CCDC181: variants seen among roughly 807,000 people sequenced by gnomAD.
CCDC181 encodes the protein coiled-coil domain-containing protein 181.
Under a neutral mutation model 58.7 loss-of-function variants are expected in CCDC181, and 35 were observed. The ratio of observed to expected loss-of-function variants is 0.60; its 90% CI spans 0.46 to 0.79. The LOEUF (loss-of-function observed/expected upper bound fraction) is 0.79, where lower values mean the gene tolerates loss of function less well. Among genes scored for constraint, CCDC181 ranks in the 30% least tolerant of loss-of-function variants. CCDC181 has a pLI of 0.00. For missense variants in CCDC181, 517 were observed against 583.9 expected, an observed-to-expected ratio of 0.89 and a Z score of 1.18; for synonymous variants, 183 against 197.5, an observed-to-expected ratio of 0.93 and a Z score of 0.62.
At chr1:169,406,823 TA>T (rs202072743) in intron 4 of CCDC181, among the ~76,000 whole-genome samples, 4 of 144,716 alleles carry the variant, frequency 2.8e-5, no homozygotes, top group South Asian at 2.2e-4. Flanking sequence ...ACAAAAAAAA[TA>T]AAAAAAAATA....
intron 2 of CCDC181, among the ~76,000 whole-genome samples, chr1:169,432,720 CT>C (rs1348486256): frequency 6.6e-6 from 1 of 151,970 alleles, no homozygotes; most frequent in Admixed American, 6.6e-5. Flanking sequence ...ATGCAGTATT[CT>C]ACATTAACAG....
intron 4 of CCDC181, among the ~76,000 whole-genome samples, chr1:169,408,846 A>C (rs567148838): frequency 7.2e-5 from 11 of 152,322 alleles, no homozygotes; most frequent in Admixed American, 2.6e-4. Flanking sequence ...CATCAACATC[A>C]ACAAAAAGGA....
At chr1:169,447,807 T>C (rs1185306833) in intron 2 of CCDC181, among the ~76,000 whole-genome samples, 3 of 152,208 alleles carry the variant, frequency 2.0e-5, no homozygotes, top group African/African-American at 7.2e-5. Context: ...CTGAAATCAA[T>C]ATAGCTACTT....
chr1:169,445,801 AT>A (rs934491904), intron 2 of CCDC181, among the ~76,000 whole-genome samples: 66 of 151,974 alleles, frequency 4.3e-4, no homozygotes, highest in African/African-American at 1.3e-3. Context: ...TAGTGACACT[AT>A]TTTTTTTAAT....
chr1:169,460,632 G>A (rs1203483467), exon 1 of CCDC181: 1 of 152,426 alleles, frequency 6.6e-6, no homozygotes, highest in Non-Finnish European at 1.5e-5. Flanking sequence ...TCGGGCTCCA[G>A]GTTTTCTGTC....
In CCDC181 at chr1:169,447,814, A is replaced by C. The variant is rs999958333; in HGVS notation, c.-24+11983T>G. ...TGTATTGTCTGAAATCAATATAGCT[A>C]CTTCATCTTTCTTTTGTTAAGTGTT... On this transcript the variant is annotated intron_variant, in intron 2 of 6. Transcript: ENST00000545005. 2.0e-5 allele frequency among the ~76,000 whole-genome samples: 3 copies of C among 152,020 alleles called. No individual in the cohort carries two copies. In the East Asian group the frequency reaches 5.8e-4, roughly 29 times the overall value.
At chr1:169,458,382 C>G (rs1657740268) in intron 2 of CCDC181, among the ~76,000 whole-genome samples, 1 of 151,906 alleles carries the variant, frequency 6.6e-6, no homozygotes, top group East Asian at 1.9e-4. Context: ...GAGATCTTAT[C>G]CATGGAATTT....
At chr1:169,409,083 A>C (rs1179298055) in intron 4 of CCDC181, among the ~76,000 whole-genome samples, 1 of 152,212 alleles carries the variant, frequency 6.6e-6, no homozygotes, top group Non-Finnish European at 1.5e-5. Flanking sequence ...GGTAATAACA[A>C]ACTCCTCTGA....
In CCDC181 at chr1:169,421,749, G is replaced by T. The variant is rs1656474778; in HGVS notation, c.682C>A (p.Leu228Met). The change falls in exon 3 of 6, where the codon CTG (leucine) becomes ATG (methionine). Residue 228 changes from leucine to methionine, a missense_variant. Coordinates refer to ENST00000367806, the MANE Select transcript of CCDC181 (RefSeq NM_001300969.2). ...LVERDGKFEL[L>M]NLQDIASQGF... ...TGACTGGCAATGTCTTGTAAATTCA[G>T]AAGTTCAAATTTTCCATCTCTCTCT... 1.2e-6 allele frequency: 2 copies of T among 1,614,002 alleles called. No individual in the cohort carries two copies. The highest frequency in any genetic ancestry group is 1.7e-6 in the Non-Finnish European group (2 of 1,179,996).
At chr1:169,437,062 T>A (rs67795749) in intron 2 of CCDC181, among the ~76,000 whole-genome samples, 2 of 151,904 alleles carry the variant, frequency 1.3e-5, no homozygotes, top group African/African-American at 2.4e-5. Context: ...CGTTCAGGGA[T>A]CAGAGTTTTT....
upstream of CCDC181, among the ~76,000 whole-genome samples, chr1:169,427,790 T>C (rs917639185): frequency 3.9e-5 from 6 of 152,260 alleles, no homozygotes; most frequent in Admixed American, 6.5e-5. Flanking sequence ...AAATTGCTAA[T>C]GAGTTACCAT....
chr1:169,408,125 G>GAT, intron 4 of CCDC181, among the ~76,000 whole-genome samples: 1 of 152,182 alleles, frequency 6.6e-6, no homozygotes, highest in South Asian at 2.1e-4. Context: ...ATCTAGCTCA[G>GAT]CAGATCTCAC....
Position 169,450,466 on chromosome 1 carries a change from C to T in CCDC181, c.-24+9331G>A, listed in dbSNP as rs541151841. Among the ~76,000 whole-genome samples the T allele has an allele frequency of 5.3e-5, 8 of 152,210 alleles. No individual in the cohort carries two copies. The South Asian group carries it at 8.3e-4, about 16-fold the overall frequency. On this transcript the variant is annotated intron_variant, in intron 2 of 6. Coordinates refer to the CCDC181 transcript ENST00000545005. Reference sequence around the variant, plus strand: ...CCATAATGTTTTTGAGGTTTCTCCACGTTATGGTATGTATCAGTATTTCAT... The same window carrying T: ...CCATAATGTTTTTGAGGTTTCTCCATGTTATGGTATGTATCAGTATTTCAT...
intron 4 of CCDC181, among the ~76,000 whole-genome samples, chr1:169,415,846 G>A (rs560109266): frequency 3.3e-5 from 5 of 152,144 alleles, no homozygotes; most frequent in Admixed American, 6.6e-5. Context: ...CACTTGCCAC[G>A]TATTTCTATG....
intron 5 of CCDC181, chr1:169,396,397 A>T (rs762993523): frequency 1.3e-5 from 2 of 152,110 alleles, no homozygotes; most frequent in African/African-American, 4.8e-5. Flanking sequence ...CTACAAAAAA[A>T]ATATAAAAAT....
At chr1:169,444,470 A>G (rs1657319318) in intron 2 of CCDC181, among the ~76,000 whole-genome samples, 1 of 152,156 alleles carries the variant, frequency 6.6e-6, no homozygotes, top group Non-Finnish European at 1.5e-5. Context: ...CAAAGTCCAG[A>G]CACGTTCCTA....
chr1:169,396,123 T>G (rs1250378869), intron 5 of CCDC181: 2 of 152,200 alleles, frequency 1.3e-5, no homozygotes, highest in Admixed American at 6.5e-5. Context: ...TAAATACATG[T>G]ACAGACAAAT....
intron 2 of CCDC181, among the ~76,000 whole-genome samples, chr1:169,438,300 A>G (rs912129286): frequency 2.6e-5 from 4 of 152,064 alleles, no homozygotes; most frequent in African/African-American, 9.7e-5. Flanking sequence ...CAGAGAGACC[A>G]GAAACTCGTG....
intron 2 of CCDC181, among the ~76,000 whole-genome samples, chr1:169,432,770 C>T (rs1656954788): frequency 6.6e-6 from 1 of 151,958 alleles, no homozygotes; most frequent in South Asian, 2.1e-4. Flanking sequence ...TTAATTGATG[C>T]AGAAAAAGCA....
Sources: gnomAD v4.1 joint callset for allele counts (sites outside exome capture counted in the v4.1 genomes callset) on GRCh38, gnomAD v4.1.1 for gene constraint, MANE v1.5 for transcripts, NCBI Gene and HGNC (gene_info 2026-07-23, HGNC 2026-07-21) for gene names.